MACF1: variants seen among roughly 807,000 people sequenced by gnomAD.
MACF1 encodes microtubule actin crosslinking factor 1.
Under a neutral mutation model 854.8 loss-of-function variants are expected in MACF1, and 193 were observed. The ratio of observed to expected loss-of-function variants is 0.23; its 90% CI spans 0.20 to 0.25. The LOEUF (loss-of-function observed/expected upper bound fraction) is 0.25. Among genes scored for constraint, MACF1 ranks in the 10% least tolerant of loss-of-function variants. MACF1 has a pLI of 1.00. For synonymous variants in MACF1, 3,185 were observed against 3,226.7 expected (o/e 0.99, Z 0.44); for missense variants, 7,722 against 8,929.1 (o/e 0.86, Z 5.45).
At chr1:39,301,014 C>CAAA (rs879562980) in intron 22 of MACF1, among the ~76,000 whole-genome samples, 1 of 151,438 alleles carries the variant, frequency 6.6e-6, no homozygotes, top group Non-Finnish European at 1.5e-5. Flanking sequence ...AACTCTGTCT[C>CAAA]AAAAAAAATA....
chr1:39,123,726 T>G (rs112141990), intron 2 of MACF1, among the ~76,000 whole-genome samples: 3,316 of 137,766 alleles, frequency 0.024, 114 homozygotes, highest in East Asian at 0.13. Flanking sequence ...TGTTTTTTTT[T>G]TTTTTTTTTT....
chr1:39,304,260 C>T, intron 23 of MACF1: 1 of 510,910 alleles, frequency 2.0e-6, no homozygotes, highest in Admixed American at 2.0e-5. Flanking sequence ...TCAATTCCCA[C>T]CTATGAGTGA....
intron 60 of MACF1, among the ~76,000 whole-genome samples, chr1:39,423,242 T>A (rs1347674116): frequency 6.6e-6 from 1 of 152,232 alleles, no homozygotes; most frequent in African/African-American, 2.4e-5. Context: ...GTTGGTTTAA[T>A]TTCTATTTTA....
chr1:39,359,568 A>G (rs572919002), intron 47 of MACF1, among the ~76,000 whole-genome samples: 63 of 152,142 alleles, frequency 4.1e-4, no homozygotes, highest in Non-Finnish European at 7.6e-4. Flanking sequence ...AGTTTTTCCT[A>G]TTGCTTAGCT....
At chr1:39,133,923 T>C (rs1272918123) in intron 2 of MACF1, among the ~76,000 whole-genome samples, 3 of 152,116 alleles carry the variant, frequency 2.0e-5, no homozygotes, top group Non-Finnish European at 4.4e-5. Context: ...AGAAGTTTCA[T>C]TTTTGGGTTT....
intron 70 of MACF1, 75 bp downstream of exon 70, chr1:39,435,836 C>G (rs1643961304): frequency 7.4e-7 from 1 of 1,349,054 alleles, no homozygotes; most frequent in Non-Finnish European, 1.0e-6. Context: ...TCAGGTATGT[C>G]TCTGTGCTCA....
chr1:39,421,885 T>A (rs771688584), intron 58 of MACF1, among the ~76,000 whole-genome samples: 2 of 152,086 alleles, frequency 1.3e-5, no homozygotes, highest in Non-Finnish European at 2.9e-5. Flanking sequence ...CCATCCTGGC[T>A]AACACGGTGA....
chr1:39,176,974 A>T (rs2148228584), intron 2 of MACF1, among the ~76,000 whole-genome samples: 2 of 152,220 alleles, frequency 1.3e-5, no homozygotes, highest in South Asian at 4.2e-4. Context: ...CAAAAATGCT[A>T]AGTAATATAA....
At chr1:39,100,764 G>A (rs1571037695) in intron 2 of MACF1, among the ~76,000 whole-genome samples, 2 of 152,070 alleles carry the variant, frequency 1.3e-5, no homozygotes, top group East Asian at 1.9e-4. Flanking sequence ...TGAGGCAGGA[G>A]AATGGCTTGA....
rs772724074 is a variant in MACF1 at position 39,451,049 on chromosome 1, C to T, written c.20259-3C>T. On this transcript the variant is annotated splice_region_variant and splice_polypyrimidine_tract_variant and intron_variant, in intron 84 of 100. Transcript: ENST00000564288. ...AATGGTAGCGTTTGTGTGCATTTCTCAGGCAGCACAAGTTGGAGGAAGCCC... is the reference window on the plus strand; with the variant it reads ...AATGGTAGCGTTTGTGTGCATTTCTTAGGCAGCACAAGTTGGAGGAAGCCC... 1.2e-6 allele frequency: 2 copies of T among 1,611,234 alleles called. No individual in the cohort carries two copies. The highest frequency in any genetic ancestry group is 2.2e-5 in the South Asian group (2 of 90,446).
chr1:39,298,955 G>A (rs960446946), intron 21 of MACF1, among the ~76,000 whole-genome samples: 1 of 152,054 alleles, frequency 6.6e-6, no homozygotes, highest in African/African-American at 2.4e-5. Context: ...GGTTGGCGGC[G>A]TCATCGGGGC....
chr1:39,208,166 G>T (rs373455208), intron 1 of MACF1, among the ~76,000 whole-genome samples: 4 of 141,600 alleles, frequency 2.8e-5, no homozygotes, highest in African/African-American at 5.1e-5. Flanking sequence ...ATATAAAAGG[G>T]TTTTTTTTTT....
rs151000138 is a variant in MACF1 at position 39,332,660 on chromosome 1, T to C, written c.6072T>C (p.Asn2024=). The stretch of plus-strand genomic sequence containing the variant: ...CTGAGGGATTGCAAGAATCAGCTAA[T>C]GTGAAAATCTCAGGAACTTTCAGCA... ...KTPEGLQESA[N]VKISGTFSSG... Residue 2024 remains asparagine, a synonymous_variant, in exon 37 of 101, where the codon AAT becomes AAC. Transcript: ENST00000564288. 1.9e-6 allele frequency: 3 copies of C among 1,614,162 alleles called. No homozygotes were observed. Among genetic ancestry groups the C allele is most frequent in the Non-Finnish European group, 2.5e-6 (3 of 1,180,014 alleles).
At position 39,388,119 on chromosome 1, in the gene MACF1, G is replaced by A. The variant is rs1641870500; in HGVS notation, c.15277G>A (p.Ala5093Thr). ...TGATGCTTCTCAACTTCTCCACCAAGCTGAGGTCGCCCAGCAAGAGTTCCT... is the reference window on the plus strand; with the variant it reads ...TGATGCTTCTCAACTTCTCCACCAAACTGAGGTCGCCCAGCAAGAGTTCCT... ...GSDASQLLHQ[A>T]EVAQQEFLEV... Residue 5093 changes from alanine to threonine, a missense_variant, in exon 58 of 101, where the codon GCT becomes ACT. By Grantham distance (58) the Ala-to-Thr change is moderately conservative. This residue lies in a region of MACF1 where 2,807 missense variants were observed against 3,235.8 expected (regional missense o/e 0.87). Coordinates refer to ENST00000564288, the MANE Select transcript of MACF1 (RefSeq NM_001394062.1). The A allele has an allele frequency of 1.9e-6, 3 of 1,614,136 alleles. No homozygotes were observed. Among genetic ancestry groups the A allele is most frequent in the Non-Finnish European group, 2.5e-6 (3 of 1,180,024 alleles).
At chr1:39,186,206 CTCTCTCTCTGTGTGTGTGTGTGTG>C (rs1320956344) in intron 2 of MACF1, among the ~76,000 whole-genome samples, 218 of 57,878 alleles carry the variant, frequency 3.8e-3, no homozygotes, top group African/African-American at 0.013. Flanking sequence ...CTCTCTCTCT[CTCTCTCTCTGTGTGTGTGTGTGTG>C]TGTGTGTGTG....
In MACF1 at chr1:39,452,765, C is replaced by T. The variant is rs1644363079; in HGVS notation, c.20695C>T (p.Leu6899Phe). The change falls in exon 87 of 101, where the codon CTT becomes TTT. Residue 6899 changes from leucine (L) to phenylalanine (F), a missense_variant. Physicochemically the swap from Leu to Phe is conservative, Grantham distance 22. Coordinates refer to ENST00000564288, the MANE Select transcript of MACF1 (RefSeq NM_001394062.1). ...GCAAACGCTTCGCTTTCGGGGAGCACTTCCTGATGACACAGAGGCCCTGCA... is the reference window on the plus strand; with the variant it reads ...GCAAACGCTTCGCTTTCGGGGAGCATTTCCTGATGACACAGAGGCCCTGCA... ...AEQTLRFRGA[L>F]PDDTEALQSL... 2.5e-6 allele frequency: 4 copies of T among 1,614,020 alleles called. No individual in the cohort carries two copies. The Admixed American group carries it at 5.0e-5, about 20-fold the overall frequency.
intron 15 of MACF1, among the ~76,000 whole-genome samples, chr1:39,289,210 G>A (rs549428504): frequency 6.6e-6 from 1 of 152,208 alleles, no homozygotes; most frequent in African/African-American, 2.4e-5. Context: ...TGGGAATGCA[G>A]ATCTCTTTGA....
intron 2 of MACF1, among the ~76,000 whole-genome samples, chr1:39,158,574 T>A (rs188626291): frequency 6.6e-6 from 1 of 152,334 alleles, no homozygotes; most frequent in East Asian, 1.9e-4. Flanking sequence ...CTGACTGGTG[T>A]CCTGAAAAGC....
intron 15 of MACF1, among the ~76,000 whole-genome samples, chr1:39,288,196 T>C (rs1274791490): frequency 6.6e-6 from 1 of 152,148 alleles, no homozygotes; most frequent in African/African-American, 2.4e-5. Context: ...CTTTTAGTTA[T>C]TTAAAAATGT....
Sources: gnomAD v4.1 joint callset for allele counts (sites outside exome capture counted in the v4.1 genomes callset) on GRCh38, gnomAD v4.1.1 for gene constraint, gnomAD v4.1.1 regional missense constraint, MANE v1.5 for transcripts, NCBI Gene and HGNC (gene_info 2026-07-23, HGNC 2026-07-21) for gene names.